The following COX7A2L variants were observed in gnomAD, a reference collection of about 807,000 sequenced individuals.
COX7A2L encodes cytochrome c oxidase subunit 7A2 like.
In COX7A2L, 18 loss-of-function variants were observed where a neutral mutation model predicts 14.2. The observed-to-expected ratio is 1.27, with a 90% CI of 0.88 to 1.88. The LOEUF (loss-of-function observed/expected upper bound fraction) is 1.88, where lower values mean the gene tolerates loss of function less well. Ranked by LOEUF, COX7A2L falls within the 40% of genes most tolerant of loss-of-function variation. The pLI is 0.00. For synonymous variants in COX7A2L, 65 were observed against 57.4 expected (o/e 1.13, Z -0.60); for missense variants, 179 against 138.8 (o/e 1.29, Z -1.46).
upstream of COX7A2L, among the ~76,000 whole-genome samples, chr2:42,365,507 A>T (rs1431249930): frequency 2.0e-5 from 3 of 152,086 alleles, no homozygotes; most frequent in Non-Finnish European, 2.9e-5. Flanking sequence ...TGCATCTGTA[A>T]TCCCAGCTAC....
intron 1 of COX7A2L, among the ~76,000 whole-genome samples, chr2:42,367,359 C>T (rs528838664): frequency 1.3e-5 from 2 of 152,282 alleles, no homozygotes; most frequent in South Asian, 2.1e-4. Context: ...AAGGTACCAG[C>T]GTGTGTCCAC....
At chr2:42,361,683 G>T, upstream of COX7A2L, 1 of 153,066 alleles carries the variant, frequency 6.5e-6, no homozygotes, top group South Asian at 1.9e-4. Context: ...CGGAGCCACC[G>T]TCTGGTCGTC....
intron 2 of COX7A2L, among the ~76,000 whole-genome samples, chr2:42,340,169 C>T (rs1670373131): frequency 2.0e-5 from 3 of 152,114 alleles, no homozygotes; most frequent in Admixed American, 2.0e-4. Context: ...TTGTTTACCC[C>T]CAGGTTCTGT....
intron 2 of COX7A2L, among the ~76,000 whole-genome samples, chr2:42,337,593 C>G (rs1320284068): frequency 6.6e-6 from 1 of 152,226 alleles, no homozygotes; most frequent in East Asian, 1.9e-4. Flanking sequence ...TGCTGAAAAC[C>G]AAGGAAGCCT....
chr2:42,345,747 C>T (rs1177131620), downstream of COX7A2L, among the ~76,000 whole-genome samples: 1 of 152,078 alleles, frequency 6.6e-6, no homozygotes, highest in Non-Finnish European at 1.5e-5. Flanking sequence ...GTGTGGGTAC[C>T]CCATGAAGTC....
intron 1 of COX7A2L, among the ~76,000 whole-genome samples, chr2:42,368,292 A>T (rs1265047424): frequency 6.6e-6 from 1 of 152,146 alleles, no homozygotes; most frequent in African/African-American, 2.4e-5. Context: ...TCCCACACCC[A>T]CTAAAAAGAA....
At chr2:42,357,367 G>A (rs777596829) in intron 1 of COX7A2L, among the ~76,000 whole-genome samples, 7 of 152,276 alleles carry the variant, frequency 4.6e-5, no homozygotes, top group Admixed American at 6.5e-5. Flanking sequence ...GGAGTGCAAC[G>A]CATTGATCAC....
At position 42,338,617 on chromosome 2, in the gene COX7A2L, C is replaced by G. The variant is rs1670336126; in HGVS notation, c.193-4748G>C. Among the ~76,000 whole-genome samples, 1 of 152,172 alleles carries G rather than the reference C, an allele frequency of 6.6e-6. No homozygotes were observed. The highest frequency in any genetic ancestry group is 6.5e-5 in the Admixed American group (1 of 15,276). ...CCCCCCGATAGGACTCAGCCCCCACCAAGACCGTAGAGCCTTAGTGTGATT... is the reference window on the plus strand; with the variant it reads ...CCCCCCGATAGGACTCAGCCCCCACGAAGACCGTAGAGCCTTAGTGTGATT... On this transcript the variant is annotated intron_variant, in intron 2 of 2. Transcript: ENST00000468711. This position sits in a 1 kb window ranked among gnomAD's most constrained non-coding sequence, Gnocchi z 4.4.
upstream of COX7A2L, among the ~76,000 whole-genome samples, chr2:42,365,181 A>C (rs1380968694): frequency 5.3e-5 from 8 of 152,194 alleles, no homozygotes. Context: ...TTATGCATAG[A>C]ATGAAAGAAT....
Position 42,350,662 on chromosome 2 carries a change from A to G in COX7A2L, c.*557T>C, listed in dbSNP as rs1227908735. 1 of 105,552 alleles carries G rather than the reference A, an allele frequency of 9.5e-6. No homozygotes were observed. The highest frequency in any genetic ancestry group is 4.2e-5 in the African/African-American group (1 of 24,054). The allele number at this position is 105,552 out of a possible 1,614,324, so 6.5% of individuals were successfully genotyped here. On this transcript the variant is annotated 3_prime_UTR_variant, in exon 3 of 3. Coordinates refer to ENST00000234301, the MANE Select transcript of COX7A2L (RefSeq NM_004718.4). ...AGGTATTCTCTGTTCCCACGGTGGA[A>G]TAATTACACATAAGATTTCACTAAA...
intron 1 of COX7A2L, chr2:42,368,825 G>C (rs1410768478): frequency 6.6e-6 from 1 of 152,088 alleles, no homozygotes; most frequent in African/African-American, 2.4e-5. Flanking sequence ...CCCCAACCTT[G>C]GCACATAGCA....
chr2:42,352,849 T>G (rs1480514513), intron 2 of COX7A2L: 2 of 272,316 alleles, frequency 7.3e-6, no homozygotes, highest in Non-Finnish European at 1.4e-5. Flanking sequence ...AAAAACCCAC[T>G]GCCAAGTCAT....
At chr2:42,353,143 A>T in intron 2 of COX7A2L, 69 bp downstream of exon 2, 1 of 1,553,916 alleles carries the variant, frequency 6.4e-7, no homozygotes, top group Non-Finnish European at 8.7e-7. Context: ...ATTAAGATTT[A>T]GTTTCATAAG....
chr2:42,360,282 C>T (rs1426312533), intron 1 of COX7A2L, among the ~76,000 whole-genome samples: 1 of 152,194 alleles, frequency 6.6e-6, no homozygotes, highest in African/African-American at 2.4e-5. Flanking sequence ...TCACTTGACA[C>T]ACTTCATTTA....
chr2:42,366,539 G>C (rs772705880), intron 1 of COX7A2L, among the ~76,000 whole-genome samples: 3 of 152,168 alleles, frequency 2.0e-5, no homozygotes, highest in Non-Finnish European at 2.9e-5. Flanking sequence ...TTAGTCACAA[G>C]ATAAAATTTT....
chr2:42,365,151 T>G (rs918979841), upstream of COX7A2L, among the ~76,000 whole-genome samples: 1 of 152,204 alleles, frequency 6.6e-6, no homozygotes, highest in Admixed American at 6.5e-5. Flanking sequence ...ATCTGTAAAA[T>G]TACAGTACAC....
intron 1 of COX7A2L, 142 bp downstream of exon 1, chr2:42,360,948 A>C (rs1671011324): frequency 1.2e-6 from 1 of 804,852 alleles, no homozygotes. Context: ...GCTGGTGTGG[A>C]GAGGCCCCGG....
chr2:42,361,431 C>T, upstream of COX7A2L: 1 of 393,128 alleles, frequency 2.5e-6, no homozygotes, highest in Non-Finnish European at 4.6e-6. Context: ...GAAGTTCCCT[C>T]TTTCCCCCAT....
At chr2:42,355,049 A>T (rs1231547477) in intron 1 of COX7A2L, among the ~76,000 whole-genome samples, 1 of 152,238 alleles carries the variant, frequency 6.6e-6, no homozygotes, top group African/African-American at 2.4e-5. Flanking sequence ...GCCTTTCTCA[A>T]GTCCAGAGCC....
Sources: allele counts gnomAD v4.1 joint callset (sites outside exome capture counted in the v4.1 genomes callset), GRCh38; gene constraint gnomAD v4.1.1; non-coding constraint Gnocchi (gnomAD v3.1); transcripts MANE v1.5; gene names NCBI Gene and HGNC (gene_info 2026-07-23, HGNC 2026-07-21).